The following NRXN1 variants were observed in gnomAD, a reference collection of about 807,000 sequenced individuals.
The protein encoded by NRXN1 is neurexin-1.
Under a neutral mutation model 150.9 loss-of-function variants are expected in NRXN1, and 39 were observed. The ratio of observed to expected loss-of-function variants is 0.26; its 90% CI spans 0.20 to 0.34. The LOEUF is 0.34. Ranked by LOEUF, NRXN1 falls within the 10% of genes least tolerant of loss-of-function variation. The pLI is 1.00. For missense variants in NRXN1, 1,815 were observed against 1,949.9 expected, an observed-to-expected ratio of 0.93 and a Z score of 1.30; for synonymous variants, 924 against 757.0, an observed-to-expected ratio of 1.22 and a Z score of -3.62.
intron 17 of NRXN1, among the ~76,000 whole-genome samples, chr2:50,433,922 T>C (rs569748313): frequency 1.3e-5 from 2 of 152,146 alleles, no homozygotes; most frequent in African/African-American, 4.8e-5. Context: ...CTAATTGAAG[T>C]AGCAACTGAA....
intron 17 of NRXN1, among the ~76,000 whole-genome samples, chr2:50,241,725 A>T (rs1357678390): frequency 1.3e-5 from 2 of 151,818 alleles, no homozygotes; most frequent in Non-Finnish European, 2.9e-5. Flanking sequence ...TGATGTTATA[A>T]TCAGGGAATA....
At chr2:50,940,289 A>G (rs2104477110) in intron 2 of NRXN1, among the ~76,000 whole-genome samples, 1 of 152,200 alleles carries the variant, frequency 6.6e-6, no homozygotes, top group East Asian at 1.9e-4. Flanking sequence ...ATCCTGGCCA[A>G]CATGGTGAAA....
At chr2:50,901,702 G>C (rs996463705) in intron 5 of NRXN1, among the ~76,000 whole-genome samples, 2 of 152,034 alleles carry the variant, frequency 1.3e-5, no homozygotes, top group African/African-American at 4.8e-5. Flanking sequence ...TCGATATCAC[G>C]TGACACTAAG....
intron 17 of NRXN1, among the ~76,000 whole-genome samples, chr2:50,341,339 T>G (rs567516235): frequency 6.6e-6 from 1 of 152,192 alleles, no homozygotes; most frequent in East Asian, 1.9e-4. Flanking sequence ...TCAGGTCTTC[T>G]GATTTTAAGG....
chr2:50,025,939 C>A (rs1688214108), intron 21 of NRXN1, among the ~76,000 whole-genome samples: 1 of 152,182 alleles, frequency 6.6e-6, no homozygotes, highest in South Asian at 2.1e-4. Context: ...CAACTTCAGG[C>A]CAGTCCCAAC....
intron 18 of NRXN1, among the ~76,000 whole-genome samples, chr2:50,130,098 TA>T (rs1333703420): frequency 1.3e-5 from 2 of 152,142 alleles, no homozygotes; most frequent in African/African-American, 4.8e-5. Flanking sequence ...AGACTGTAAT[TA>T]AGTTTTCAAA....
At chr2:50,645,419 C>A (rs557896568) in intron 5 of NRXN1, among the ~76,000 whole-genome samples, 1 of 152,002 alleles carries the variant, frequency 6.6e-6, no homozygotes, top group South Asian at 2.1e-4. Flanking sequence ...CATCTGTCTA[C>A]CTCTTTAGCA....
intron 18 of NRXN1, among the ~76,000 whole-genome samples, chr2:50,204,865 G>T (rs535834861): frequency 6.6e-6 from 1 of 152,104 alleles, no homozygotes; most frequent in East Asian, 1.9e-4. Context: ...AAGAGTTTTA[G>T]TTCCAGTTAT....
chr2:50,579,869 C>A (rs1172742288), intron 8 of NRXN1, among the ~76,000 whole-genome samples: 8 of 151,956 alleles, frequency 5.3e-5, no homozygotes, highest in Non-Finnish European at 1.2e-4. Flanking sequence ...TGTCCGAGAT[C>A]TACATAAGAA....
intron 21 of NRXN1, among the ~76,000 whole-genome samples, chr2:50,008,468 A>ATTTTTTTTTT (rs3046626): frequency 7.3e-6 from 1 of 136,388 alleles, no homozygotes. Context: ...GAAGGATGCC[A>ATTTTTTTTTT]TTTTTTTTTT....
At chr2:49,962,054 C>T (rs1360176091) in intron 21 of NRXN1, among the ~76,000 whole-genome samples, 1 of 151,798 alleles carries the variant, frequency 6.6e-6, no homozygotes, top group East Asian at 1.9e-4. Context: ...CATAGTGAGA[C>T]CCTAACACTA....
chr2:50,606,902 G>A (rs764327199), intron 8 of NRXN1, among the ~76,000 whole-genome samples: 15 of 151,884 alleles, frequency 9.9e-5, no homozygotes, highest in Non-Finnish European at 1.5e-4. Flanking sequence ...TAATTGCTTC[G>A]CGTGTTATGT....
chr2:50,099,057 T>A (rs891002205), intron 18 of NRXN1, among the ~76,000 whole-genome samples: 1 of 152,034 alleles, frequency 6.6e-6, no homozygotes, highest in Non-Finnish European at 1.5e-5. Context: ...TATGTCTCCA[T>A]CCTACAGGAT....
At chr2:50,245,413 G>T (rs1222085655) in intron 17 of NRXN1, among the ~76,000 whole-genome samples, 1 of 151,882 alleles carries the variant, frequency 6.6e-6, no homozygotes, top group Non-Finnish European at 1.5e-5. Flanking sequence ...CTTCCCTTCT[G>T]AAACTAGGCT....
intron 8 of NRXN1, among the ~76,000 whole-genome samples, chr2:50,606,838 G>C (rs1677211904): frequency 6.6e-6 from 1 of 152,088 alleles, no homozygotes; most frequent in Non-Finnish European, 1.5e-5. Flanking sequence ...TACTAGGAAT[G>C]CAAAATTCTT....
At chr2:50,666,839 AATG>A (rs202154192) in intron 5 of NRXN1, among the ~76,000 whole-genome samples, 2,200 of 144,800 alleles carry the variant, frequency 0.015, 58 homozygotes, top group African/African-American at 0.046. Context: ...AGCATAAAAT[AATG>A]ATGATGATGA....
intron 18 of NRXN1, among the ~76,000 whole-genome samples, chr2:50,175,894 T>G (rs921034660): frequency 1.3e-5 from 2 of 152,100 alleles, no homozygotes; most frequent in Non-Finnish European, 1.5e-5. Context: ...CACATTTTCT[T>G]CTCCTGAAGA....
At chr2:50,300,167 G>A (rs1203915174) in intron 17 of NRXN1, among the ~76,000 whole-genome samples, 2 of 152,176 alleles carry the variant, frequency 1.3e-5, no homozygotes, top group African/African-American at 2.4e-5. Flanking sequence ...CCAGGAAAAG[G>A]TAATAATACT....
chr2:49,922,792 A>G (rs1572859214), intron 22 of NRXN1, among the ~76,000 whole-genome samples: 2 of 152,238 alleles, frequency 1.3e-5, no homozygotes, highest in South Asian at 4.1e-4. Flanking sequence ...TTTTTAAAGT[A>G]TAACTTTAGT....
Sources: allele counts gnomAD v4.1 joint callset (sites outside exome capture counted in the v4.1 genomes callset), GRCh38; gene constraint gnomAD v4.1.1; transcripts MANE v1.5; gene names NCBI Gene and HGNC (gene_info 2026-07-23, HGNC 2026-07-21).